Variants in MICU3 observed in about 807,000 individuals in gnomAD.
MICU3 encodes mitochondrial calcium uptake 3, also known as calcium uptake protein 3, mitochondrial.
MICU3 carries 62 observed loss-of-function variants against 66.5 expected under a neutral mutation model. The ratio of observed to expected loss-of-function variants is 0.93; its 90% CI spans 0.76 to 1.15. The LOEUF (loss-of-function observed/expected upper bound fraction) is 1.15, where lower values mean the gene tolerates loss of function less well. Ranked by LOEUF, MICU3 falls within the 50% of genes most tolerant of loss-of-function variation. The pLI, the probability that MICU3 is intolerant of heterozygous loss-of-function variation, is 0.00. For synonymous variants in MICU3, 308 were observed against 240.7 expected, an observed-to-expected ratio of 1.28 and a Z score of -2.59; for missense variants, 779 against 664.4, an observed-to-expected ratio of 1.17 and a Z score of -1.90.
chr8:17,088,419 A>C (rs569916372), intron 7 of MICU3, among the ~76,000 whole-genome samples: 202 of 152,138 alleles, frequency 1.3e-3, no homozygotes, highest in African/African-American at 4.7e-3. Flanking sequence ...TAGAGAATTG[A>C]ATACTTTCTT....
intron 1 of MICU3, among the ~76,000 whole-genome samples, chr8:17,059,973 T>G (rs1193240397): frequency 6.6e-6 from 1 of 152,212 alleles, no homozygotes; most frequent in Non-Finnish European, 1.5e-5. Context: ...TTTGATACAC[T>G]GATTTCAAAG....
chr8:17,071,049 T>C (rs1453970715), intron 3 of MICU3, among the ~76,000 whole-genome samples: 1 of 152,156 alleles, frequency 6.6e-6, no homozygotes, highest in Non-Finnish European at 1.5e-5. Flanking sequence ...TTGTTTATTT[T>C]TGGAACTTTC....
At chr8:17,094,503 A>C (rs974617423) in intron 8 of MICU3, among the ~76,000 whole-genome samples, 4 of 152,058 alleles carry the variant, frequency 2.6e-5, no homozygotes, top group African/African-American at 7.2e-5. Flanking sequence ...CATATTTTGC[A>C]GATCTCTTTA....
intron 9 of MICU3, among the ~76,000 whole-genome samples, chr8:17,103,627 A>G (rs960612090): frequency 1.3e-5 from 2 of 151,778 alleles, no homozygotes; most frequent in African/African-American, 4.8e-5. Context: ...AAGATCTATA[A>G]AGCTATATTA....
intron 14 of MICU3, 150 bp downstream of exon 14, chr8:17,118,925 A>C: frequency 2.0e-6 from 1 of 490,676 alleles, no homozygotes; most frequent in Non-Finnish European, 3.5e-6. Flanking sequence ...TTGATTGAAA[A>C]ATTTTACGTT....
At chr8:17,044,755 A>G (rs918904741) in intron 1 of MICU3, among the ~76,000 whole-genome samples, 1 of 152,232 alleles carries the variant, frequency 6.6e-6, no homozygotes, top group Non-Finnish European at 1.5e-5. Context: ...CTCAGAGATT[A>G]TAGTGATTAA....
intron 11 of MICU3, among the ~76,000 whole-genome samples, chr8:17,105,873 T>C (rs1801696912): frequency 6.6e-6 from 1 of 152,088 alleles, no homozygotes; most frequent in African/African-American, 2.4e-5. Flanking sequence ...CACTTAGCTC[T>C]ATGCTTTGAC....
intron 1 of MICU3, among the ~76,000 whole-genome samples, chr8:17,030,943 C>T (rs1298073114): frequency 6.6e-6 from 1 of 152,012 alleles, no homozygotes; most frequent in Non-Finnish European, 1.5e-5. Context: ...TTTTAGTTTC[C>T]CATTCTTTTC....
chr8:17,070,073 C>T (rs1208950717), intron 3 of MICU3, among the ~76,000 whole-genome samples: 1 of 151,914 alleles, frequency 6.6e-6, no homozygotes, highest in African/African-American at 2.4e-5. Context: ...GCGCATGTAC[C>T]TTGTAAAGTT....
At chr8:17,041,112 C>A (rs1813993367) in intron 1 of MICU3, among the ~76,000 whole-genome samples, 1 of 151,994 alleles carries the variant, frequency 6.6e-6, no homozygotes, top group Non-Finnish European at 1.5e-5. Context: ...TGGGAATCAT[C>A]ACGTATTAAA....
the MICU3 span, among the ~76,000 whole-genome samples, chr8:17,138,318 A>G: frequency 2.0e-5 from 3 of 152,106 alleles, no homozygotes; most frequent in East Asian, 1.9e-4. Context: ...TAATGTTTTT[A>G]TTTTGAATGA....
Position 17,064,925 on chromosome 8 carries a change from A to T in MICU3, c.535+688A>T, listed in dbSNP as rs549892532. On this transcript the variant is annotated intron_variant, in intron 2 of 14. Transcript: ENST00000318063. ...ATTGGCTGGTGGTAGTTGCAGCTTC[A>T]AAAGTCTCTATAGATGGTGGTAAAA... Among the ~76,000 whole-genome samples, 12 of 152,224 alleles carry T rather than the reference A, an allele frequency of 7.9e-5. No individual in the cohort carries two copies. In the East Asian group the frequency reaches 2.3e-3, roughly 29 times the overall value.
chr8:17,071,509 C>T (rs1819579351), intron 3 of MICU3, among the ~76,000 whole-genome samples: 1 of 152,036 alleles, frequency 6.6e-6, no homozygotes, highest in Admixed American at 6.6e-5. Flanking sequence ...AAGGTCCTCT[C>T]TGCAAAACAG....
At chr8:17,049,557 A>G (rs944434925) in intron 1 of MICU3, 1 of 515,376 alleles carries the variant, frequency 1.9e-6, no homozygotes, top group African/African-American at 1.9e-5. Context: ...GTTTGCAGAA[A>G]GTTAAGTTAT....
intron 5 of MICU3, among the ~76,000 whole-genome samples, chr8:17,082,400 T>TA (rs1249532543): frequency 6.6e-6 from 1 of 152,130 alleles, no homozygotes; most frequent in African/African-American, 2.4e-5. Context: ...TGTGAAAATT[T>TA]AGCAAATCCT....
intron 4 of MICU3, among the ~76,000 whole-genome samples, chr8:17,080,183 T>G (rs1820970492): frequency 6.6e-6 from 1 of 152,116 alleles, no homozygotes; most frequent in Admixed American, 6.6e-5. Flanking sequence ...AATATACCGT[T>G]CATCTTCAGT....
the MICU3 span, among the ~76,000 whole-genome samples, chr8:17,137,418 T>A: frequency 6.7e-6 from 1 of 149,732 alleles, no homozygotes; most frequent in Non-Finnish European, 1.5e-5. Context: ...TGATATTAAA[T>A]AGCACATAAA....
intron 4 of MICU3, among the ~76,000 whole-genome samples, chr8:17,080,013 A>G (rs898546368): frequency 2.0e-5 from 3 of 152,090 alleles, no homozygotes; most frequent in Non-Finnish European, 4.4e-5. Flanking sequence ...TGAATTTTCG[A>G]AAGAAACCTA....
intron 1 of MICU3, among the ~76,000 whole-genome samples, chr8:17,051,188 T>G (rs73539152): frequency 0.015 from 2,279 of 152,324 alleles, 55 homozygotes; most frequent in African/African-American, 0.052. Flanking sequence ...GCTACAGTAT[T>G]AGTACCACAT....
Sources: allele counts gnomAD v4.1 joint callset (sites outside exome capture counted in the v4.1 genomes callset), GRCh38; gene constraint gnomAD v4.1.1; transcripts MANE v1.5; gene names NCBI Gene and HGNC (gene_info 2026-07-23, HGNC 2026-07-21).